The following APP variants were observed in gnomAD, a reference collection of about 807,000 sequenced individuals.
The protein encoded by APP is amyloid-beta precursor protein.
A neutral mutation model predicts 101.4 loss-of-function variants in APP; 31 were observed. That is an observed-to-expected ratio of 0.31 (90% CI 0.23 to 0.41). APP has a LOEUF of 0.41. APP is among the 10% of genes least tolerant of loss of function. The pLI is 1.00. For synonymous variants in APP, 366 were observed against 364.4 expected (o/e 1.00, Z -0.05); for missense variants, 839 against 1,003.7 (o/e 0.84, Z 2.22).
At chr21:25,934,185 G>C (rs952251842) in intron 13 of APP, 2 of 152,170 alleles carry the variant, frequency 1.3e-5, no homozygotes, top group Non-Finnish European at 2.9e-5. Flanking sequence ...TAGAGCAAGC[G>C]AAAGGCATGA....
chr21:26,167,689 T>A (rs1440309336), intron 1 of APP, among the ~76,000 whole-genome samples: 8 of 152,240 alleles, frequency 5.3e-5, no homozygotes, highest in Non-Finnish European at 1.0e-4. Context: ...TTCTTTTTAA[T>A]TTTTTTGAAT....
intron 1 of APP, among the ~76,000 whole-genome samples, chr21:26,115,311 C>A (rs1475515298): frequency 1.9e-5 from 2 of 102,796 alleles, no homozygotes; most frequent in African/African-American, 3.0e-5. Context: ...CCATGTTTCT[C>A]AAGTAAAATT....
intron 13 of APP, chr21:25,945,492 A>C (rs980818016): frequency 3.3e-5 from 5 of 151,028 alleles, no homozygotes; most frequent in Non-Finnish European, 7.3e-5. Context: ...GTAATATTGA[A>C]AAAGAAGAAC....
chr21:25,944,843 T>C (rs1018900456), intron 13 of APP, among the ~76,000 whole-genome samples: 5 of 152,228 alleles, frequency 3.3e-5, no homozygotes, highest in African/African-American at 4.8e-5. Context: ...TCTGCTCTAG[T>C]GTTCCATGCC....
chr21:25,947,288 A>T (rs992598793), intron 13 of APP, among the ~76,000 whole-genome samples: 5 of 143,040 alleles, frequency 3.5e-5, no homozygotes, highest in African/African-American at 1.3e-4. Flanking sequence ...CTAAACGTAT[A>T]CAAAGCACTC....
chr21:26,089,936 G>A lies in APP; in HGVS notation c.355+7C>T, dbSNP rs200285169. 24 of 1,613,752 alleles carry A rather than the reference G, an allele frequency of 1.5e-5. No individual in the cohort carries two copies. Among genetic ancestry groups the A allele is most frequent in the South Asian group, 2.2e-5 (2 of 91,082 alleles). ...ATCAACACCAGCCCCACGGCCGGCC[G>A]GCTCACCTAAGCAGCGGTAGGGAAT... On this transcript the variant is annotated splice_region_variant and intron_variant, in intron 3 of 17. Transcript: ENST00000346798.
intron 1 of APP, among the ~76,000 whole-genome samples, chr21:26,150,627 A>AGATAGATAGATAGATAGATAGATAGATG (rs1420976518): frequency 1.8e-5 from 2 of 109,322 alleles, no homozygotes; most frequent in African/African-American, 7.0e-5. Context: ...ACAGATAGAT[A>AGATAGATAGATAGATAGATAGATAGATG]GACAGACAGA....
intron 3 of APP, among the ~76,000 whole-genome samples, chr21:26,065,608 G>T (rs1177749295): frequency 3.9e-5 from 6 of 152,078 alleles, no homozygotes; most frequent in Non-Finnish European, 8.8e-5. Flanking sequence ...GCCTGATGAG[G>T]TTTGCACAAA....
intron 17 of APP, among the ~76,000 whole-genome samples, chr21:25,887,231 G>A (rs1452260372): frequency 2.0e-5 from 3 of 152,096 alleles, no homozygotes; most frequent in Non-Finnish European, 2.9e-5. Flanking sequence ...GAAAAGTACC[G>A]CTTGCTACTA....
At chr21:25,965,450 CAAAGA>C (rs2041758616) in intron 11 of APP, among the ~76,000 whole-genome samples, 1 of 152,186 alleles carries the variant, frequency 6.6e-6, no homozygotes, top group Non-Finnish European at 1.5e-5. Context: ...TTAGCCTATT[CAAAGA>C]AAAGTACATT....
chr21:25,926,974 G>A (rs924540569), intron 13 of APP, among the ~76,000 whole-genome samples: 4 of 113,820 alleles, frequency 3.5e-5, no homozygotes, highest in Non-Finnish European at 4.9e-5. Flanking sequence ...CTGCACTCCA[G>A]TCTGGGCAAC....
intron 1 of APP, among the ~76,000 whole-genome samples, chr21:26,151,517 C>T (rs1228758047): frequency 6.6e-6 from 1 of 151,996 alleles, no homozygotes; most frequent in African/African-American, 2.4e-5. Flanking sequence ...CCATGCGTAA[C>T]ACTACTTGAC....
Position 26,136,893 on chromosome 21 carries a change from T to C in APP, c.58-24747A>G, listed in dbSNP as rs549743628. On this transcript the variant is annotated intron_variant, in intron 1 of 17. Transcript: ENST00000346798. ...CTGAGAAACCACAAACTAGTTTCCT[T>C]AGACCATTCGTCTTCCTTTTTGAGA... Among the ~76,000 whole-genome samples the C allele has an allele frequency of 9.2e-5, 14 of 152,344 alleles. No homozygotes were observed. In the South Asian group the frequency reaches 1.4e-3, roughly 16 times the overall value.
At chr21:26,142,442 T>C (rs1466149741) in intron 1 of APP, among the ~76,000 whole-genome samples, 1 of 152,198 alleles carries the variant, frequency 6.6e-6, no homozygotes. Flanking sequence ...ACCATTTTAA[T>C]ACCATTAGAT....
intron 1 of APP, among the ~76,000 whole-genome samples, chr21:26,156,214 TTAG>T (rs1305778101): frequency 4.6e-5 from 7 of 152,314 alleles, no homozygotes; most frequent in Admixed American, 3.3e-4. Flanking sequence ...ACATTTGATA[TTAG>T]TAGGAATAAC....
In APP at chr21:25,958,042, ACTT is replaced by A. The variant is rs775263610; in HGVS notation, c.1459-2290_1459-2288del. Among the ~76,000 whole-genome samples, 8 of 151,976 alleles carry A rather than the reference ACTT, an allele frequency of 5.3e-5. No homozygotes were observed. The East Asian group carries it at 9.6e-4, about 18-fold the overall frequency. On this transcript the variant is annotated intron_variant, in intron 11 of 17. Coordinates refer to ENST00000346798, the MANE Select transcript of APP (RefSeq NM_000484.4). Reference sequence around the variant, plus strand: ...ACAGTAAGAATTGCTTTTCATCATAACTTCTTTTTTTCCAGTTAGTCATCTATG... The same window carrying A: ...ACAGTAAGAATTGCTTTTCATCATAACTTTTTTTCCAGTTAGTCATCTATG...
At chr21:25,935,457 T>C (rs562212248) in intron 13 of APP, among the ~76,000 whole-genome samples, 1 of 152,210 alleles carries the variant, frequency 6.6e-6, no homozygotes, top group Non-Finnish European at 1.5e-5. Flanking sequence ...TAGCTAACAA[T>C]GCTTGGTTAT....
At chr21:25,969,902 A>AGGGGAGGGGAGGGGAGG (rs1280659871) in intron 11 of APP, among the ~76,000 whole-genome samples, 1 of 75,732 alleles carries the variant, frequency 1.3e-5, no homozygotes, top group Non-Finnish European at 2.5e-5. Context: ...ATTAGAGAAG[A>AGGGGAGGGGAGGGGAGG]GAAGAGGGGA....
intron 5 of APP, among the ~76,000 whole-genome samples, chr21:26,025,382 A>T (rs2044524597): frequency 6.6e-6 from 1 of 152,262 alleles, no homozygotes; most frequent in African/African-American, 2.4e-5. Flanking sequence ...ATTCAGGGAA[A>T]GTCAGGAAGA....
Sources: gnomAD v4.1 joint callset for allele counts (sites outside exome capture counted in the v4.1 genomes callset) on GRCh38, gnomAD v4.1.1 for gene constraint, MANE v1.5 for transcripts, NCBI Gene and HGNC (gene_info 2026-07-23, HGNC 2026-07-21) for gene names.